AK9: variants seen among roughly 807,000 people sequenced by gnomAD.
AK9 encodes adenylate kinase 9, also known as adenylate kinase domain containing 1.
In AK9, 191 loss-of-function variants were observed where a neutral mutation model predicts 239.6. The observed-to-expected ratio is 0.80, with a 90% confidence interval of 0.71 to 0.90. The LOEUF (loss-of-function observed/expected upper bound fraction) is 0.90. AK9 is among the 40% of genes least tolerant of loss of function. The pLI is 0.00. For missense variants in AK9, 1,995 were observed against 2,214.7 expected (o/e 0.90, Z 1.99); for synonymous variants, 689 against 721.0 (o/e 0.96, Z 0.71).
rs1391695229 is a variant in AK9, at chr6:109,614,470, A to G, written c.1410T>C (p.Ala470=). ...ELQARKQAET[A]LREFQRQYEK... ...CATATTGCCTTTGAAATTCTCTTAA[A>G]GCTGTTTCAGCTGAAATATAACAAT... Residue 470 remains alanine, a synonymous_variant, in exon 14 of 41, where the codon GCT becomes GCC. Coordinates refer to ENST00000424296, the MANE Select transcript of AK9 (RefSeq NM_001145128.3). 46 of 1,550,856 alleles carry G rather than the reference A, an allele frequency of 3.0e-5. No homozygotes were observed. Among genetic ancestry groups the G allele is most frequent in the Non-Finnish European group, 3.9e-5 (45 of 1,146,616 alleles).
chr6:109,595,367 A>T (rs1305322573), intron 17 of AK9, among the ~76,000 whole-genome samples: 2 of 152,224 alleles, frequency 1.3e-5, no homozygotes, highest in Non-Finnish European at 2.9e-5. Context: ...GCTGGAGAGG[A>T]CATGGAGAAG....
At chr6:109,540,367 T>G (rs987143816) in intron 27 of AK9, among the ~76,000 whole-genome samples, 7 of 152,220 alleles carry the variant, frequency 4.6e-5, no homozygotes, top group African/African-American at 1.7e-4. Context: ...GTGTTAGCAA[T>G]GAGTGAGGCT....
chr6:109,575,749 T>C (rs970367965), intron 20 of AK9, among the ~76,000 whole-genome samples: 2 of 152,196 alleles, frequency 1.3e-5, no homozygotes, highest in African/African-American at 2.4e-5. Flanking sequence ...TAAGCCAATG[T>C]CTATAATAGT....
chr6:109,556,338 CA>C (rs1785009157), intron 24 of AK9, among the ~76,000 whole-genome samples: 1 of 152,154 alleles, frequency 6.6e-6, no homozygotes, highest in African/African-American at 2.4e-5. Flanking sequence ...TATTGGCCCC[CA>C]GTCTCTTATG....
At chr6:109,531,677 C>T (rs1781280108) in intron 28 of AK9, among the ~76,000 whole-genome samples, 1 of 152,162 alleles carries the variant, frequency 6.6e-6, no homozygotes, top group Non-Finnish European at 1.5e-5. Flanking sequence ...TTAGCACTGG[C>T]CTAGATATTC....
intron 1 of AK9, among the ~76,000 whole-genome samples, chr6:109,686,814 A>C (rs1773576570): frequency 6.6e-6 from 1 of 152,242 alleles, no homozygotes; most frequent in Non-Finnish European, 1.5e-5. Flanking sequence ...AGTATCCACT[A>C]TGAGCTGGTT....
chr6:109,508,586 A>C (rs1206328063), intron 33 of AK9, among the ~76,000 whole-genome samples: 2 of 152,226 alleles, frequency 1.3e-5, no homozygotes, highest in African/African-American at 4.8e-5. Context: ...TGAGTAAATC[A>C]GGGGGGTTCT....
intron 12 of AK9, among the ~76,000 whole-genome samples, chr6:109,628,030 A>G (rs902441798): frequency 6.6e-6 from 1 of 152,196 alleles, no homozygotes; most frequent in Non-Finnish European, 1.5e-5. Flanking sequence ...CTCCAAATTC[A>G]TTCCCCCAGA....
rs371682407 is a variant in AK9 at position 109,664,037 on chromosome 6, GA to G, written c.332-1375del. 1.4e-3 allele frequency among the ~76,000 whole-genome samples: 215 copies of G among 152,308 alleles called. 1 individual carries two copies. Among genetic ancestry groups the G allele is most frequent in the African/African-American group, 4.6e-3 (193 of 41,560 alleles). The stretch of plus-strand genomic sequence containing the variant: ...TTAAGTTGGACATTGAAGAGATTGT[GA>G]AAATGTAAAGCAATGCCACTTTTCT... On this transcript the variant is annotated intron_variant, in intron 5 of 40. Transcript: ENST00000424296.
At chr6:109,689,743 A>G (rs908107119) in intron 1 of AK9, among the ~76,000 whole-genome samples, 4 of 152,368 alleles carry the variant, frequency 2.6e-5, no homozygotes, top group Middle Eastern at 3.4e-3. Flanking sequence ...TTCCGGGTGA[A>G]ATAAACTAAG....
intron 34 of AK9, 21 bp from the exon 35 acceptor site, chr6:109,506,568 G>C (rs1441768032): frequency 1.9e-6 from 3 of 1,553,200 alleles, no homozygotes; most frequent in Non-Finnish European, 2.6e-6. Context: ...AACAGAGAAG[G>C]AATGGAAAAA....
chr6:109,633,477 C>A (rs1796360197), intron 10 of AK9, among the ~76,000 whole-genome samples, 154 bp from the exon 11 acceptor site: 1 of 152,144 alleles, frequency 6.6e-6, no homozygotes, highest in South Asian at 2.1e-4. Flanking sequence ...CAACATCCTG[C>A]ACTTGTCCTT....
chr6:109,553,308 CATG>C (rs760589810), intron 24 of AK9, among the ~76,000 whole-genome samples: 1 of 152,168 alleles, frequency 6.6e-6, no homozygotes, highest in Non-Finnish European at 1.5e-5. Flanking sequence ...TGGCCATTTT[CATG>C]ATATTGATTC....
chr6:109,622,889 T>C (rs1241188435), intron 12 of AK9, among the ~76,000 whole-genome samples: 1 of 152,006 alleles, frequency 6.6e-6, no homozygotes, highest in Non-Finnish European at 1.5e-5. Context: ...GTATTTCCAA[T>C]TTCTATGCCT....
chr6:109,528,338 T>G, intron 29 of AK9: 4 of 357,728 alleles, frequency 1.1e-5, no homozygotes, highest in Non-Finnish European at 1.7e-5. Context: ...AGCATTATAA[T>G]GAGGCTACGA....
chr6:109,645,452 A>T (rs1797935679), intron 8 of AK9, among the ~76,000 whole-genome samples: 1 of 152,230 alleles, frequency 6.6e-6, no homozygotes, highest in Admixed American at 6.5e-5. Context: ...AGCCTTGCTC[A>T]CTGCTAGCAC....
chr6:109,654,042 CT>C (rs376918166), intron 8 of AK9, among the ~76,000 whole-genome samples: 35 of 152,252 alleles, frequency 2.3e-4, no homozygotes, highest in African/African-American at 8.2e-4. Flanking sequence ...CAGATAAAGT[CT>C]GTCTCCATCT....
chr6:109,496,280 C>T (rs1012842188), intron 38 of AK9, among the ~76,000 whole-genome samples: 4 of 152,192 alleles, frequency 2.6e-5, no homozygotes, highest in Middle Eastern at 3.2e-3. Context: ...GTGTGCAGTC[C>T]GGTTTGCACC....
intron 17 of AK9, among the ~76,000 whole-genome samples, chr6:109,599,631 T>C (rs1235964650): frequency 1.3e-5 from 2 of 152,300 alleles, no homozygotes; most frequent in Non-Finnish European, 1.5e-5. Flanking sequence ...GGTAGCTTGA[T>C]GGGGATGGCA....
Sources: gnomAD v4.1 joint callset for allele counts (sites outside exome capture counted in the v4.1 genomes callset) on GRCh38, gnomAD v4.1.1 for gene constraint, MANE v1.5 for transcripts, NCBI Gene and HGNC (gene_info 2026-07-23, HGNC 2026-07-21) for gene names.